Variants in TACR1 observed in about 807,000 individuals in gnomAD.
TACR1 encodes tachykinin receptor 1.
A neutral mutation model predicts 35.8 loss-of-function variants in TACR1; 25 were observed. The observed-to-expected ratio is 0.70, with a 90% CI of 0.51 to 0.98. TACR1 has a LOEUF of 0.98. Ranked by LOEUF, TACR1 falls within the 50% of genes least tolerant of loss-of-function variation. TACR1 has a pLI of 0.00. For missense variants in TACR1, 478 were observed against 522.9 expected, an observed-to-expected ratio of 0.91 and a Z score of 0.84; for synonymous variants, 195 against 206.7, an observed-to-expected ratio of 0.94 and a Z score of 0.48.
chr2:75,190,768 C>G (rs554292573), intron 1 of TACR1, among the ~76,000 whole-genome samples: 1 of 152,128 alleles, frequency 6.6e-6, no homozygotes, highest in East Asian at 1.9e-4. Context: ...AGTGGTAGAA[C>G]CAGCACTGGA....
At chr2:75,137,159 G>A (rs1482365790) in intron 1 of TACR1, among the ~76,000 whole-genome samples, 2 of 152,042 alleles carry the variant, frequency 1.3e-5, no homozygotes, top group African/African-American at 4.8e-5. Context: ...GATGGGGAGG[G>A]GGATTGAAGG....
chr2:75,135,887 T>A (rs1236703037), intron 1 of TACR1, among the ~76,000 whole-genome samples: 1 of 152,076 alleles, frequency 6.6e-6, no homozygotes, highest in Non-Finnish European at 1.5e-5. Flanking sequence ...TGATTCACCC[T>A]CTCCCACCTC....
At chr2:75,155,666 A>G (rs371307873) in intron 1 of TACR1, among the ~76,000 whole-genome samples, 2 of 152,360 alleles carry the variant, frequency 1.3e-5, no homozygotes, top group African/African-American at 4.8e-5. Flanking sequence ...CCATTATTAT[A>G]TTTCTTGTGA....
chr2:75,171,552 G>A (rs533666620), intron 1 of TACR1, among the ~76,000 whole-genome samples: 30 of 152,276 alleles, frequency 2.0e-4, no homozygotes, highest in Admixed American at 1.0e-3. Flanking sequence ...TCCACCGACC[G>A]CTTGCACTAT....
chr2:75,152,530 A>G (rs1317833851), intron 1 of TACR1, among the ~76,000 whole-genome samples: 2 of 152,150 alleles, frequency 1.3e-5, no homozygotes, highest in Non-Finnish European at 2.9e-5. Context: ...CTGTAAGTCC[A>G]ATTAAACTTC....
At chr2:75,074,435 G>C (rs1032689791) in intron 2 of TACR1, among the ~76,000 whole-genome samples, 1 of 152,164 alleles carries the variant, frequency 6.6e-6, no homozygotes, top group African/African-American at 2.4e-5. Context: ...TTTCATGTCC[G>C]TATAACATGG....
At chr2:75,124,963 T>C (rs529127769) in intron 1 of TACR1, among the ~76,000 whole-genome samples, 3 of 152,280 alleles carry the variant, frequency 2.0e-5, no homozygotes, top group Admixed American at 6.5e-5. Flanking sequence ...AAGAATCAGA[T>C]AAGACCCTGG....
At chr2:75,198,230 A>T (rs1436985053) in intron 1 of TACR1, among the ~76,000 whole-genome samples, 1 of 152,206 alleles carries the variant, frequency 6.6e-6, no homozygotes, top group Non-Finnish European at 1.5e-5. Context: ...GAGAAGGAAT[A>T]TATGGAAAGG....
chr2:75,094,861 T>TATA lies in TACR1; in HGVS notation c.584+25712_584+25713insTAT, dbSNP rs1558551241. 4.1e-4 allele frequency among the ~76,000 whole-genome samples: 25 copies of TATA among 60,726 alleles called. No individual in the cohort carries two copies. In the East Asian group the frequency reaches 5.7e-3, roughly 14 times the overall value. 39.8% of individuals were successfully genotyped at this position (60,726 alleles called of 152,430 possible). A position where few individuals can be genotyped will look rare whatever the true frequency, so the allele number is the denominator to read the frequency against. The stretch of plus-strand genomic sequence containing the variant: ...AACATATATATATATATATATATAT[T>TATA]TTTTTTTTTTTTGCCCAAGATGGCA... On this transcript the variant is annotated intron_variant, in intron 2 of 4. Coordinates refer to ENST00000305249, the MANE Select transcript of TACR1 (RefSeq NM_001058.4).
At chr2:75,075,976 A>G (rs1051466551) in intron 2 of TACR1, among the ~76,000 whole-genome samples, 1 of 152,262 alleles carries the variant, frequency 6.6e-6, no homozygotes, top group African/African-American at 2.4e-5. Flanking sequence ...AGCAAATCCC[A>G]ACAGAATTAA....
chr2:75,129,466 A>C (rs1674138756), intron 1 of TACR1, among the ~76,000 whole-genome samples: 1 of 152,220 alleles, frequency 6.6e-6, no homozygotes, highest in African/African-American at 2.4e-5. Flanking sequence ...AATACAAAAT[A>C]AATTGTCGTT....
At chr2:75,061,361 G>A (rs1162516821) in intron 2 of TACR1, among the ~76,000 whole-genome samples, 1 of 152,110 alleles carries the variant, frequency 6.6e-6, no homozygotes, top group East Asian at 1.9e-4. Flanking sequence ...TGATGGACCA[G>A]GTGAGTCGAG....
intron 4 of TACR1, among the ~76,000 whole-genome samples, chr2:75,050,094 G>A (rs1298463433): frequency 2.0e-5 from 3 of 152,194 alleles, no homozygotes; most frequent in Non-Finnish European, 4.4e-5. Flanking sequence ...TAGTTACTGG[G>A]TGGTAAAAAC....
chr2:75,199,149 C>T lies in TACR1; in HGVS notation c.-215G>A. 1.8e-6 allele frequency: 1 copy of T among 567,526 alleles called. No homozygotes were observed. The highest frequency in any genetic ancestry group is 4.7e-4 in the Middle Eastern group (1 of 2,130). 35.2% of individuals were successfully genotyped at this position (567,526 alleles called of 1,614,324 possible). On this transcript the variant is annotated 5_prime_UTR_variant, in exon 1 of 5. Coordinates refer to ENST00000305249, the MANE Select transcript of TACR1 (RefSeq NM_001058.4). ...GCCTGCCCGCGGTGGCTCTGAATTC[C>T]TCCACTTTCAAGCTTCAGGAGACGT... is the stretch of plus-strand genomic sequence containing the variant.
chr2:75,077,799 A>G (rs576356858), intron 2 of TACR1, among the ~76,000 whole-genome samples: 187 of 152,302 alleles, frequency 1.2e-3, no homozygotes, highest in African/African-American at 4.1e-3. Context: ...GATAAGAGGT[A>G]TAAGGGAAGG....
chr2:75,139,739 G>A (rs1674364009), intron 1 of TACR1, among the ~76,000 whole-genome samples: 1 of 152,218 alleles, frequency 6.6e-6, no homozygotes, highest in South Asian at 2.1e-4. Flanking sequence ...TAAGGGATTT[G>A]AGAGGCTCCG....
chr2:75,068,278 G>T (rs1463963680), intron 2 of TACR1, among the ~76,000 whole-genome samples: 2 of 152,168 alleles, frequency 1.3e-5, no homozygotes, highest in African/African-American at 4.8e-5. Flanking sequence ...CTCAGCATTT[G>T]CCCTTAAAGC....
At chr2:75,154,406 G>GCGCGCGCGCGCGCGCGCGCGCGCACA (rs1264139655) in intron 1 of TACR1, 4 of 78,514 alleles carry the variant, frequency 5.1e-5, no homozygotes, top group Non-Finnish European at 7.6e-5. Context: ...CCAAGAGCGC[G>GCGCGCGCGCGCGCGCGCGCGCGCACA]CACGCACACA....
intron 2 of TACR1, among the ~76,000 whole-genome samples, chr2:75,059,351 A>G (rs1207395891): frequency 6.6e-6 from 1 of 152,254 alleles, no homozygotes; most frequent in Non-Finnish European, 1.5e-5. Context: ...ATGCATTTTA[A>G]CAAGACTACC....
Sources: gnomAD v4.1 joint callset for allele counts (sites outside exome capture counted in the v4.1 genomes callset) on GRCh38, gnomAD v4.1.1 for gene constraint, MANE v1.5 for transcripts, NCBI Gene and HGNC (gene_info 2026-07-23, HGNC 2026-07-21) for gene names.